Variants in ROBO2 observed in about 807,000 individuals in gnomAD.
ROBO2 encodes roundabout homolog 2.
Under a neutral mutation model 160.8 loss-of-function variants are expected in ROBO2, and 53 were observed. That is an observed-to-expected ratio of 0.33 (90% CI 0.26 to 0.41). ROBO2 has a LOEUF of 0.41. Among genes scored for constraint, ROBO2 ranks in the 10% least tolerant of loss-of-function variants. The pLI is 1.00. For synonymous variants in ROBO2, 664 were observed against 611.7 expected, an observed-to-expected ratio of 1.09 and a Z score of -1.26; for missense variants, 1,577 against 1,722.4, an observed-to-expected ratio of 0.92 and a Z score of 1.49.
chr3:77,179,204 T>G (rs2080454939), intron 2 of ROBO2, among the ~76,000 whole-genome samples: 2 of 151,966 alleles, frequency 1.3e-5, no homozygotes, highest in Non-Finnish European at 2.9e-5. Flanking sequence ...AGTTTGTCAG[T>G]GCCCTTCACG....
chr3:76,631,962 A>G (rs2090060699), intron 2 of ROBO2, among the ~76,000 whole-genome samples: 1 of 152,232 alleles, frequency 6.6e-6, no homozygotes, highest in African/African-American at 2.4e-5. Context: ...AGCAAATACC[A>G]ACATATCATT....
intron 2 of ROBO2, among the ~76,000 whole-genome samples, chr3:76,343,578 G>A (rs186735181): frequency 6.6e-6 from 1 of 151,500 alleles, no homozygotes; most frequent in Admixed American, 6.6e-5. Context: ...GAAACTAATG[G>A]TAAAAACCGC....
intron 2 of ROBO2, among the ~76,000 whole-genome samples, chr3:75,960,004 G>C (rs1330678639): frequency 2.6e-5 from 4 of 151,792 alleles, no homozygotes; most frequent in Admixed American, 2.6e-4. Context: ...GTTTGCAGTA[G>C]AGAAAGAGTT....
At chr3:77,165,438 G>A (rs1442545491) in intron 2 of ROBO2, among the ~76,000 whole-genome samples, 12 of 148,066 alleles carry the variant, frequency 8.1e-5, no homozygotes, top group African/African-American at 2.8e-4. Context: ...AGGCCGCAGG[G>A]TCCTCTGCCT....
intron 19 of ROBO2, among the ~76,000 whole-genome samples, chr3:77,597,296 AAAATAAAT>A (rs754183877): frequency 2.5e-5 from 3 of 121,416 alleles, no homozygotes; most frequent in African/African-American, 5.8e-5. Context: ...CTGTTATCCA[AAAATAAAT>A]AAATAAATAA....
At chr3:76,027,049 A>C (rs1330186872) in intron 2 of ROBO2, among the ~76,000 whole-genome samples, 1 of 152,000 alleles carries the variant, frequency 6.6e-6, no homozygotes, top group African/African-American at 2.4e-5. Flanking sequence ...AAGAGATTTC[A>C]ATCATTTCTA....
At chr3:76,193,408 T>C (rs1443135318) in intron 2 of ROBO2, among the ~76,000 whole-genome samples, 1 of 152,158 alleles carries the variant, frequency 6.6e-6, no homozygotes, top group Non-Finnish European at 1.5e-5. Flanking sequence ...GCAATCATTC[T>C]CCCAGTGAAT....
intron 1 of ROBO2, among the ~76,000 whole-genome samples, chr3:75,919,574 T>G (rs1946944420): frequency 6.6e-6 from 1 of 152,202 alleles, no homozygotes; most frequent in African/African-American, 2.4e-5. Flanking sequence ...GAGGAGTCCC[T>G]CTTTTTCTAT....
chr3:76,965,342 G>A (rs60411486), intron 2 of ROBO2, among the ~76,000 whole-genome samples: 5,970 of 152,196 alleles, frequency 0.039, 379 homozygotes, highest in African/African-American at 0.14. Context: ...ATGTGGATGT[G>A]TAAAGCTACA....
chr3:77,034,394 A>G, intron 2 of ROBO2, among the ~76,000 whole-genome samples: 1 of 150,448 alleles, frequency 6.6e-6, no homozygotes. Flanking sequence ...AAAAAAAAAA[A>G]AGAAAACAAC....
chr3:75,947,320 T>A (rs1481221166), intron 2 of ROBO2, among the ~76,000 whole-genome samples: 1 of 152,136 alleles, frequency 6.6e-6, no homozygotes, highest in Non-Finnish European at 1.5e-5. Context: ...AGCCTATACA[T>A]CATGCCTAAA....
chr3:77,060,589 G>T (rs2149762697), intron 1 of ROBO2, among the ~76,000 whole-genome samples: 1 of 152,182 alleles, frequency 6.6e-6, no homozygotes, highest in South Asian at 2.1e-4. Flanking sequence ...GAGCTAAAGG[G>T]ACTTGAAAAA....
intron 1 of ROBO2, among the ~76,000 whole-genome samples, chr3:75,926,015 T>C (rs1947279182): frequency 6.6e-6 from 1 of 152,228 alleles, no homozygotes; most frequent in Non-Finnish European, 1.5e-5. Flanking sequence ...ACCTTCGGAT[T>C]TGATTTTTCT....
intron 2 of ROBO2, among the ~76,000 whole-genome samples, chr3:76,328,814 G>A (rs6797977): frequency 0.064 from 9,631 of 151,468 alleles, 868 homozygotes; most frequent in African/African-American, 0.2. Flanking sequence ...AGCCGAGATC[G>A]CGCCACCGCA....
intron 2 of ROBO2, among the ~76,000 whole-genome samples, chr3:76,256,442 C>T (rs146229929): frequency 1.3e-3 from 192 of 151,820 alleles, no homozygotes; most frequent in Middle Eastern, 6.8e-3. Context: ...TGCAATGGCT[C>T]ACACCTGTAA....
At chr3:76,745,190 A>G (rs1243294593) in intron 2 of ROBO2, among the ~76,000 whole-genome samples, 1 of 152,170 alleles carries the variant, frequency 6.6e-6, no homozygotes, top group Non-Finnish European at 1.5e-5. Flanking sequence ...GATATCTACC[A>G]TACCAATATA....
chr3:76,283,083 TTTAAATAAAAC>T (rs1176140564), intron 2 of ROBO2, among the ~76,000 whole-genome samples: 2 of 142,620 alleles, frequency 1.4e-5, no homozygotes, highest in African/African-American at 5.0e-5. Flanking sequence ...TGTTCAGACT[TTTAAATAAAAC>T]ATAAATAAAT....
At chr3:76,910,725 C>CAAAAAAAAAAA (rs10662303) in intron 2 of ROBO2, among the ~76,000 whole-genome samples, 9 of 35,454 alleles carry the variant, frequency 2.5e-4, no homozygotes, top group Non-Finnish European at 4.0e-4. Flanking sequence ...AACTCTGTCT[C>CAAAAAAAAAAA]AAAAAAAAAA....
chr3:77,505,553 G>C (rs1582543617), intron 5 of ROBO2, among the ~76,000 whole-genome samples: 1 of 152,020 alleles, frequency 6.6e-6, no homozygotes, highest in Non-Finnish European at 1.5e-5. Context: ...AGATTTAGTA[G>C]TATTTTTTCT....
Sources: allele counts gnomAD v4.1 joint callset (sites outside exome capture counted in the v4.1 genomes callset), GRCh38; gene constraint gnomAD v4.1.1; transcripts MANE v1.5; gene names NCBI Gene and HGNC (gene_info 2026-07-23, HGNC 2026-07-21).